The following SLC35F5 variants were observed in gnomAD, a reference collection of about 807,000 sequenced individuals.
SLC35F5 encodes solute carrier family 35 member F5, also known as HCV NS5A-transactivated protein 3.
SLC35F5 carries 54 observed loss-of-function variants against 68.6 expected under a neutral mutation model. That is an observed-to-expected ratio of 0.79 (90% CI 0.63 to 0.99). SLC35F5 has a LOEUF of 0.99. SLC35F5 is among the 50% of genes least tolerant of loss of function. The probability of loss-of-function intolerance (pLI) is 0.00; values close to 1 mark genes in which losing one functional copy is unlikely to be tolerated. For synonymous variants in SLC35F5, 211 were observed against 205.2 expected (o/e 1.03, Z -0.24); for missense variants, 567 against 626.9 (o/e 0.90, Z 1.02).
chr2:113,730,468 C>G (rs563644370), intron 10 of SLC35F5, among the ~76,000 whole-genome samples: 2 of 152,270 alleles, frequency 1.3e-5, no homozygotes, highest in South Asian at 4.1e-4. Flanking sequence ...ATACACAAAG[C>G]TGCTCTGGGT....
intron 10 of SLC35F5, among the ~76,000 whole-genome samples, chr2:113,731,255 T>C (rs1043282860): frequency 1.3e-5 from 2 of 152,100 alleles, no homozygotes; most frequent in Admixed American, 1.3e-4. Flanking sequence ...ATGCAATAAA[T>C]GATCCTAGAT....
chr2:113,705,980 T>C (rs995781849), downstream of SLC35F5, among the ~76,000 whole-genome samples: 1 of 152,234 alleles, frequency 6.6e-6, no homozygotes, highest in African/African-American at 2.4e-5. Context: ...GGGCAGGTAC[T>C]TTCCCCTAAT....
Position 113,729,401 on chromosome 2 carries a change from C to A in SLC35F5, c.1090G>T (p.Gly364Cys). The A allele has an allele frequency of 6.9e-7, 1 of 1,444,110 alleles. No homozygotes were observed. The highest frequency in any genetic ancestry group is 1.2e-5 in the South Asian group (1 of 82,720). The allele number at this position is 1,444,110 out of a possible 1,614,324, so 89.5% of individuals were successfully genotyped here. ...EDKLDIPMFF[G>C]FVGLFNLLLL... is the part of the protein sequence containing the mutation. ...CCTCCCAAGTTACATATATTCTTAC[C>A]AAAGAACATTGGAATATCCAACTTG... The change falls in exon 11 of 16, where the codon GGT becomes TGT. Residue 364 changes from glycine to cysteine, a missense_variant and splice_region_variant. Transcript: ENST00000245680.
downstream of SLC35F5, among the ~76,000 whole-genome samples, chr2:113,704,541 C>A (rs963386685): frequency 9.2e-5 from 14 of 152,264 alleles, no homozygotes; most frequent in African/African-American, 3.1e-4. Context: ...AGGTCCCGAG[C>A]CCTGCCCCGC....
chr2:113,753,162 GTTTTTCTTTTTTTTT>G (rs1676817728), intron 3 of SLC35F5, among the ~76,000 whole-genome samples: 5 of 50,550 alleles, frequency 9.9e-5, no homozygotes, highest in Non-Finnish European at 2.0e-4. Context: ...TCCAAAGTTT[GTTTTTCTTTTTTTTT>G]TTTTTTTTTT....
At chr2:113,723,282 G>T in intron 12 of SLC35F5, 88 bp from the exon 13 acceptor site, 1 of 771,138 alleles carries the variant, frequency 1.3e-6, no homozygotes, top group Non-Finnish European at 1.9e-6. Flanking sequence ...TATAATATAG[G>T]CCTGTGAGAT....
intron 13 of SLC35F5, among the ~76,000 whole-genome samples, chr2:113,720,588 C>G (rs914854892): frequency 6.6e-6 from 1 of 152,068 alleles, no homozygotes. Flanking sequence ...AACTGAAAAG[C>G]CTTCATTTAG....
rs71969221 is a variant in SLC35F5, at chr2:113,712,323, CT to C, written c.*2894del. 0.48 allele frequency among the ~76,000 whole-genome samples: 71,584 copies of C among 148,178 alleles called. 17,424 individuals carry two copies. The highest frequency in any genetic ancestry group is 0.65 in the Middle Eastern group (187 of 286). On this transcript the variant is annotated 3_prime_UTR_variant, in exon 16 of 16. Coordinates refer to ENST00000245680, the MANE Select transcript of SLC35F5 (RefSeq NM_025181.5). ...AAAGCATTCATTTCAAAAGTATTCA[CT>C]TTTTTTTTTTTTGAGACGGAGTCTC...
chr2:113,755,084 T>C, intron 3 of SLC35F5, 81 bp downstream of exon 3: 3 of 1,385,414 alleles, frequency 2.2e-6, no homozygotes, highest in Middle Eastern at 1.8e-4. Flanking sequence ...AGCAGGAGAT[T>C]GTAACGGCTA....
At position 113,717,447 on chromosome 2, in the gene SLC35F5, T is replaced by C. The variant is rs141491061; in HGVS notation, c.*22+306A>G. 440 of 177,680 alleles carry C rather than the reference T, an allele frequency of 2.5e-3. 3 individuals are homozygous for C. Among genetic ancestry groups the C allele is most frequent in the African/African-American group, 9.9e-3 (420 of 42,592 alleles). 11.0% of individuals were successfully genotyped at this position (177,680 alleles called of 1,614,324 possible). On this transcript the variant is annotated intron_variant, in intron 15 of 15. Coordinates refer to ENST00000245680, the MANE Select transcript of SLC35F5 (RefSeq NM_025181.5). Reference sequence around the variant, plus strand: ...AAAATGAGTTAAAACTTTCTGATCATTTGAGTCAGGCACTATTATACATAC... The same window carrying C: ...AAAATGAGTTAAAACTTTCTGATCACTTGAGTCAGGCACTATTATACATAC...
Position 113,707,346 on chromosome 2 carries a change from T to A in SLC35F5, c.*7872A>T, listed in dbSNP as rs1686826659. On this transcript the variant is annotated 3_prime_UTR_variant, in exon 16 of 16. Transcript: ENST00000245680. ...TAATCAGAATGATGCAATCTTGTCT[T>A]ATATAAATATACAAATCACAGTATG... Among the ~76,000 whole-genome samples, 1 of 152,210 alleles carries A rather than the reference T, an allele frequency of 6.6e-6. No homozygotes were observed. The highest frequency in any genetic ancestry group is 2.4e-5 in the African/African-American group (1 of 41,462).
downstream of SLC35F5, among the ~76,000 whole-genome samples, chr2:113,703,162 TTC>T (rs142671681): frequency 1.6e-3 from 236 of 146,196 alleles, 1 homozygote; most frequent in Admixed American, 2.0e-3. Context: ...ATGAATCTCT[TTC>T]TCTCTCTCTC....
intron 9 of SLC35F5, chr2:113,733,314 C>T (rs575345861): frequency 2.9e-5 from 8 of 273,786 alleles, no homozygotes; most frequent in East Asian, 1.5e-4. Flanking sequence ...AACCTCTGTT[C>T]GTCTACCTAC....
intron 8 of SLC35F5, among the ~76,000 whole-genome samples, chr2:113,735,388 T>C (rs1688048768): frequency 6.6e-6 from 1 of 152,202 alleles, no homozygotes; most frequent in Admixed American, 6.5e-5. Flanking sequence ...TGGTATAGCC[T>C]ACTACACAGC....
rs561446895 is a variant in SLC35F5, at chr2:113,722,682, C to T, written c.1341+422G>A. Among the ~76,000 whole-genome samples the T allele has an allele frequency of 2.1e-3, 313 of 152,346 alleles. 3 individuals are homozygous for T. The highest frequency in any genetic ancestry group is 7.2e-3 in the African/African-American group (298 of 41,580). The stretch of plus-strand genomic sequence containing the variant: ...AGAGAAAAGGGATGGGATACCCACT[C>T]TGCTGAGTCCAGAGAGAGATGGCTA... On this transcript the variant is annotated intron_variant, in intron 13 of 15. Transcript: ENST00000245680.
intron 9 of SLC35F5, chr2:113,733,351 G>T: frequency 2.8e-6 from 1 of 357,634 alleles, no homozygotes; most frequent in South Asian, 2.2e-5. Flanking sequence ...AATGTACTCT[G>T]TCAAAATACT....
chr2:113,706,760 A>G lies in SLC35F5; in HGVS notation c.*8458T>C, dbSNP rs1295272953. Among the ~76,000 whole-genome samples the G allele has an allele frequency of 2.0e-5, 3 of 152,194 alleles. No individual in the cohort carries two copies. The highest frequency in any genetic ancestry group is 7.2e-5 in the African/African-American group (3 of 41,458). ...TTAATAAAAGGAAACTAGAAATCAA[A>G]TATTTGTATAAGGACAGATTTGAGG... On this transcript the variant is annotated 3_prime_UTR_variant, in exon 16 of 16. Coordinates refer to ENST00000245680, the MANE Select transcript of SLC35F5 (RefSeq NM_025181.5).
chr2:113,754,612 AC>A (rs1390765932), intron 3 of SLC35F5, among the ~76,000 whole-genome samples: 6 of 152,250 alleles, frequency 3.9e-5, no homozygotes, highest in Admixed American at 2.0e-4. Context: ...CAATAAAGAC[AC>A]AATTTAACTG....
chr2:113,740,535 A>G (rs527323461), intron 7 of SLC35F5, among the ~76,000 whole-genome samples: 2 of 152,198 alleles, frequency 1.3e-5, no homozygotes, highest in Non-Finnish European at 2.9e-5. Context: ...CATAAAATAT[A>G]CCATTTGGAT....
Sources: gnomAD v4.1 joint callset for allele counts (sites outside exome capture counted in the v4.1 genomes callset) on GRCh38, gnomAD v4.1.1 for gene constraint, MANE v1.5 for transcripts, NCBI Gene and HGNC (gene_info 2026-07-23, HGNC 2026-07-21) for gene names.